Variants in PACRGL observed in about 807,000 individuals in gnomAD.
The protein encoded by PACRGL is PACRG-like protein.
A neutral mutation model predicts 34.5 loss-of-function variants in PACRGL; 38 were observed. That is an observed-to-expected ratio of 1.10 (90% confidence interval 0.85 to 1.44). The LOEUF is 1.44. Among genes scored for constraint, PACRGL ranks in the 40% most tolerant of loss-of-function variants. The pLI is 0.00. For missense variants in PACRGL, 305 were observed against 281.4 expected (o/e 1.08, Z -0.60); for synonymous variants, 128 against 100.1 (o/e 1.28, Z -1.66).
In PACRGL at chr4:20,722,300, C is replaced by T. The variant is rs892081668; in HGVS notation, c.610-2508C>T. On this transcript the variant is annotated intron_variant, in intron 7 of 8. Coordinates refer to ENST00000503585, the MANE Select transcript of PACRGL (RefSeq NM_001258345.3). Reference sequence around the variant, plus strand: ...GGTGAGGCGATGCCTCGCCCTGCTTCGGCTCACACTTGGTGCGCTATACCC... The same window carrying T: ...GGTGAGGCGATGCCTCGCCCTGCTTTGGCTCACACTTGGTGCGCTATACCC... Among the ~76,000 whole-genome samples, 8 of 152,234 alleles carry T rather than the reference C, an allele frequency of 5.3e-5. No homozygotes were observed. The South Asian group carries it at 8.3e-4, about 16-fold the overall frequency.
chr4:20,701,361 G>C (rs1188950628), intron 1 of PACRGL: 1 of 154,988 alleles, frequency 6.5e-6, no homozygotes, highest in African/African-American at 2.4e-5. Flanking sequence ...GGCTTCATAG[G>C]GTGGTTTGTT....
intron 4 of PACRGL, 44 bp from the exon 5 acceptor site, chr4:20,709,639 G>A (rs780305721): frequency 1.6e-6 from 2 of 1,261,374 alleles, no homozygotes; most frequent in Admixed American, 3.8e-5. Flanking sequence ...GCTTAATATA[G>A]AATTATATTT....
chr4:20,721,821 G>A (rs536580026), intron 7 of PACRGL, among the ~76,000 whole-genome samples: 14 of 152,290 alleles, frequency 9.2e-5, no homozygotes, highest in East Asian at 3.9e-4. Context: ...CTCAAACTCC[G>A]TGCTGGGAGA....
At chr4:20,702,245 A>G (rs1732506072) in intron 1 of PACRGL, 2 of 456,088 alleles carry the variant, frequency 4.4e-6, no homozygotes, top group African/African-American at 2.0e-5. Flanking sequence ...AAAAATGTGC[A>G]TCATAATTTG....
intron 7 of PACRGL, chr4:20,716,159 G>T: frequency 7.3e-7 from 1 of 1,371,472 alleles, no homozygotes; most frequent in Non-Finnish European, 1.0e-6. Context: ...TTGATGATTT[G>T]CCAGAAGGAT....
chr4:20,697,986 T>A (rs1452899386), upstream of PACRGL, among the ~76,000 whole-genome samples: 1 of 152,284 alleles, frequency 6.6e-6, no homozygotes, highest in East Asian at 1.9e-4. Flanking sequence ...AATCAGACTA[T>A]AGCAGAAAGA....
the PACRGL span, among the ~76,000 whole-genome samples, chr4:20,764,709 A>AC: frequency 1.1e-5 from 1 of 92,530 alleles, no homozygotes; most frequent in African/African-American, 4.9e-5. Flanking sequence ...CACACACACA[A>AC]CCCCATGAAC....
At chr4:20,717,622 T>G (rs1156282446) in intron 7 of PACRGL, among the ~76,000 whole-genome samples, 1 of 152,204 alleles carries the variant, frequency 6.6e-6, no homozygotes, top group Non-Finnish European at 1.5e-5. Context: ...TCTGTCAGGT[T>G]TGTCAAAGAT....
chr4:20,715,767 AGAC>A (rs1739633742), intron 7 of PACRGL, among the ~76,000 whole-genome samples: 1 of 152,126 alleles, frequency 6.6e-6, no homozygotes. Context: ...CAGGAGGCTG[AGAC>A]AGGAGAATTG....
chr4:20,744,423 T>C (rs1241292901), intron 8 of PACRGL, among the ~76,000 whole-genome samples: 1 of 151,172 alleles, frequency 6.6e-6, no homozygotes, highest in Non-Finnish European at 1.5e-5. Context: ...TAAGAAAATA[T>C]GGCACTATAC....
chr4:20,764,389 GA>G, the PACRGL span, among the ~76,000 whole-genome samples: 1 of 151,820 alleles, frequency 6.6e-6, no homozygotes, highest in Admixed American at 6.6e-5. Flanking sequence ...TGCATCCATT[GA>G]ACTTACCATA....
rs1382606350 is a variant in PACRGL, at chr4:20,728,128, A to G, written c.*787A>G. The G allele has an allele frequency of 6.6e-6, 1 of 152,196 alleles. No individual in the cohort carries two copies. Among genetic ancestry groups the G allele is most frequent in the Non-Finnish European group, 1.5e-5 (1 of 68,030 alleles). The allele number at this position is 152,196 out of a possible 1,614,324, so 9.4% of individuals were successfully genotyped here. ...AATATTATTTGTAAATATGTATTTT[A>G]TAATGTACAATGCTTGGAAAATTTT... On this transcript the variant is annotated 3_prime_UTR_variant, in exon 9 of 9. Transcript: ENST00000503585.
In PACRGL at chr4:20,703,543, A is replaced by G. The variant is rs902143017; in HGVS notation, c.-16-923A>G. The stretch of plus-strand genomic sequence containing the variant: ...GTGTGTATTTCTTGCTAGAGATACA[A>G]TTGTAGAAATTGATTGGATTAGCTG... On this transcript the variant is annotated intron_variant, in intron 1 of 8. Coordinates refer to ENST00000503585, the MANE Select transcript of PACRGL (RefSeq NM_001258345.3). Among the ~76,000 whole-genome samples the G allele has an allele frequency of 8.0e-5, 12 of 149,450 alleles. No individual in the cohort carries two copies. The South Asian group carries it at 8.6e-4, about 11-fold the overall frequency.
chr4:20,719,401 G>T (rs1451419924), intron 7 of PACRGL, among the ~76,000 whole-genome samples: 1 of 152,038 alleles, frequency 6.6e-6, no homozygotes, highest in African/African-American at 2.4e-5. Context: ...TGCTTCTCTA[G>T]TTCTTTTAAT....
chr4:20,760,058 A>G, the PACRGL span, among the ~76,000 whole-genome samples: 2 of 152,160 alleles, frequency 1.3e-5, no homozygotes, highest in Non-Finnish European at 2.9e-5. Context: ...GGGCGACTAT[A>G]TTTATTGACA....
rs12640448 is a variant in PACRGL, at chr4:20,729,709, T to C, written c.*2368T>C. The C allele has an allele frequency of 0.2, 34,364 of 167,688 alleles. 3,607 individuals carry two copies. The highest frequency in any genetic ancestry group is 0.22 in the Non-Finnish European group (17,720 of 78,764). The allele number at this position is 167,688 out of a possible 1,614,324, so 10.4% of individuals were successfully genotyped here. Reference sequence around the variant, plus strand: ...CACTATATTAGAAAACCATTCAAAATCCTAGGACTGAATACATACAAATGA... The same window carrying C: ...CACTATATTAGAAAACCATTCAAAACCCTAGGACTGAATACATACAAATGA... On this transcript the variant is annotated 3_prime_UTR_variant, in exon 9 of 9. Coordinates refer to ENST00000503585, the MANE Select transcript of PACRGL (RefSeq NM_001258345.3).
the PACRGL span, among the ~76,000 whole-genome samples, chr4:20,762,256 T>C: frequency 1.3e-4 from 20 of 152,140 alleles, no homozygotes; most frequent in African/African-American, 4.1e-4. Context: ...AGGACACTTA[T>C]CTAATTCATG....
the PACRGL span, chr4:20,758,803 G>C: frequency 8.8e-6 from 14 of 1,592,894 alleles, no homozygotes; most frequent in Non-Finnish European, 1.2e-5. Flanking sequence ...ATGTTAACAA[G>C]TCCACATTTG....
rs1748350471 is a variant in PACRGL at position 20,731,905 on chromosome 4, A to G, written c.*4564A>G. The G allele has an allele frequency of 2.0e-6, 3 of 1,524,634 alleles. No homozygotes were observed. The highest frequency in any genetic ancestry group is 2.6e-6 in the Non-Finnish European group (3 of 1,135,072). The allele number at this position is 1,524,634 out of a possible 1,614,324, so 94.4% of individuals were successfully genotyped here. A position where few individuals can be genotyped will look rare whatever the true frequency, so the allele number is the denominator to read the frequency against. On this transcript the variant is annotated 3_prime_UTR_variant, in exon 9 of 9. Coordinates refer to ENST00000503585, the MANE Select transcript of PACRGL (RefSeq NM_001258345.3). ...TTGTAGAAGTGGTAAACTTAGGCATATGATCTCTATATTTCGCCCAGTTCA... is the reference window on the plus strand; with the variant it reads ...TTGTAGAAGTGGTAAACTTAGGCATGTGATCTCTATATTTCGCCCAGTTCA...
Sources: gnomAD v4.1 joint callset for allele counts (sites outside exome capture counted in the v4.1 genomes callset) on GRCh38, gnomAD v4.1.1 for gene constraint, MANE v1.5 for transcripts, NCBI Gene and HGNC (gene_info 2026-07-23, HGNC 2026-07-21) for gene names.